Variants in CEP350 observed in about 807,000 individuals in gnomAD.
CEP350 encodes the protein centrosome-associated protein 350.
A neutral mutation model predicts 331.8 loss-of-function variants in CEP350; 126 were observed. The ratio of observed to expected loss-of-function variants is 0.38; its 90% CI spans 0.33 to 0.44. CEP350 has a LOEUF of 0.44. Ranked by LOEUF, CEP350 falls within the 20% of genes least tolerant of loss-of-function variation. CEP350 has a pLI of 1.00. For synonymous variants in CEP350, 1,200 were observed against 1,259.5 expected, an observed-to-expected ratio of 0.95 and a Z score of 1.00; for missense variants, 3,406 against 3,634.6, an observed-to-expected ratio of 0.94 and a Z score of 1.62.
rs1343405944 is a variant in CEP350 at position 180,114,733 on chromosome 1, C to A, written c.*3572C>A. 2.0e-5 allele frequency: 3 copies of A among 152,508 alleles called. No individual in the cohort carries two copies. Among genetic ancestry groups the A allele is most frequent in the African/African-American group, 7.2e-5 (3 of 41,402 alleles). The allele number at this position is 152,508 out of a possible 1,614,324, so 9.4% of individuals were successfully genotyped here. A position where few individuals can be genotyped will look rare whatever the true frequency, so the allele number is the denominator to read the frequency against. ...AGTCACATCCAGTGCAATTTTGCAC[C>A]GAACACTTAAGGGTGTGGTTTGTAA... On this transcript the variant is annotated 3_prime_UTR_variant, in exon 38 of 38. Coordinates refer to ENST00000367607, the MANE Select transcript of CEP350 (RefSeq NM_014810.5).
chr1:179,969,212 C>A, intron 1 of CEP350: 1 of 542,394 alleles, frequency 1.8e-6, no homozygotes, highest in East Asian at 4.2e-5. Flanking sequence ...CTGTGAACAC[C>A]CGTGGGAAGT....
At chr1:180,042,413 G>A (rs994870468) in intron 19 of CEP350, among the ~76,000 whole-genome samples, 1 of 152,088 alleles carries the variant, frequency 6.6e-6, no homozygotes, top group African/African-American at 2.4e-5. Context: ...CTTTATTTTA[G>A]CAGTTATAAT....
chr1:179,956,650 A>G (rs903104308), intron 1 of CEP350, among the ~76,000 whole-genome samples: 6 of 152,322 alleles, frequency 3.9e-5, no homozygotes, highest in African/African-American at 1.4e-4. Context: ...GCTATAATCA[A>G]TTTTATTTGT....
At position 180,006,335 on chromosome 1, in the gene CEP350, G is replaced by A. The variant is rs551908607; in HGVS notation, c.1133-119G>A. 1.6e-4 allele frequency: 100 copies of A among 626,614 alleles called. 1 individual carries two copies. The South Asian group carries it at 1.8e-3, about 11-fold the overall frequency. The allele number at this position is 626,614 out of a possible 1,614,324, so 38.8% of individuals were successfully genotyped here. A position where few individuals can be genotyped will look rare whatever the true frequency, so the allele number is the denominator to read the frequency against. On this transcript the variant is annotated intron_variant, in intron 7 of 37. Coordinates refer to ENST00000367607, the MANE Select transcript of CEP350 (RefSeq NM_014810.5). ...TGTGGGCCATAGAAGTAGCCTCAGT[G>A]TAGGTTTCTTTCTCCCTACCTGCAG...
At chr1:179,994,671 C>T (rs1653346721) in intron 5 of CEP350, among the ~76,000 whole-genome samples, 1 of 151,938 alleles carries the variant, frequency 6.6e-6, no homozygotes, top group African/African-American at 2.4e-5. Flanking sequence ...CCAGGCTGGT[C>T]TCATACTCCT....
chr1:180,053,014 T>C lies in CEP350; in HGVS notation c.4837T>C (p.Ser1613Pro), dbSNP rs1189166695. 2 of 1,490,298 alleles carry C rather than the reference T, an allele frequency of 1.3e-6. No individual in the cohort carries two copies. The highest frequency in any genetic ancestry group is 2.3e-5 in the South Asian group (2 of 86,800). 92.3% of individuals were successfully genotyped at this position (1,490,298 alleles called of 1,614,324 possible). ...AGAATATTCTCTGAAATTTGATGAA[T>C]CCATGACAGAAGATGAAATAGAAGA... The part of the protein sequence containing the change: ...ATEYSLKFDE[S>P]MTEDEIEEQS... The change falls in exon 23 of 38, where the codon TCC (serine) becomes CCC (proline). Residue 1613 changes from serine (S) to proline (P), a missense_variant. Transcript: ENST00000367607.
At chr1:180,032,834 G>A (rs1558115008) in intron 15 of CEP350, among the ~76,000 whole-genome samples, 1 of 151,916 alleles carries the variant, frequency 6.6e-6, no homozygotes, top group Non-Finnish European at 1.5e-5. Context: ...CTTTGATGTT[G>A]TGTTTTAATT....
intron 1 of CEP350, among the ~76,000 whole-genome samples, chr1:179,957,643 C>G (rs1650265525): frequency 6.6e-6 from 1 of 152,138 alleles, no homozygotes; most frequent in Non-Finnish European, 1.5e-5. Context: ...AAACAAAAGA[C>G]TAGTTCTTAG....
intron 1 of CEP350, among the ~76,000 whole-genome samples, chr1:179,962,499 TC>T (rs1650710029): frequency 6.6e-6 from 1 of 152,252 alleles, no homozygotes; most frequent in Admixed American, 6.5e-5. Flanking sequence ...AACTTCCGCC[TC>T]CCGGGTCCAA....
At chr1:179,988,321 A>G (rs1652796835) in intron 3 of CEP350, among the ~76,000 whole-genome samples, 1 of 151,988 alleles carries the variant, frequency 6.6e-6, no homozygotes, top group South Asian at 2.1e-4. Context: ...AAAATTTAAA[A>G]CAGAGGATGA....
chr1:179,960,821 C>T (rs937966444), intron 1 of CEP350, among the ~76,000 whole-genome samples: 2 of 151,918 alleles, frequency 1.3e-5, no homozygotes, highest in African/African-American at 4.8e-5. Context: ...ATTTTTCGAT[C>T]TGCTACTAAG....
At chr1:180,072,473 A>C (rs1195319316) in intron 27 of CEP350, among the ~76,000 whole-genome samples, 1 of 152,200 alleles carries the variant, frequency 6.6e-6, no homozygotes, top group Non-Finnish European at 1.5e-5. Flanking sequence ...CCTTTTGCCA[A>C]GTGCCTTTGT....
Position 180,111,025 on chromosome 1 carries a change from A to T in CEP350, c.9218A>T (p.Gln3073Leu), listed in dbSNP as rs752108015. The T allele has an allele frequency of 1.5e-5, 25 of 1,613,990 alleles. No homozygotes were observed. The highest frequency in any genetic ancestry group is 3.3e-4 in the Middle Eastern group (2 of 6,060). ...CAGGAGCTCCATGAGGAGGAGGCACAGTGGGTGAACTATGATGAGGATGAG... is the reference window on the plus strand; with the variant it reads ...CAGGAGCTCCATGAGGAGGAGGCACTGTGGGTGAACTATGATGAGGATGAG... ...LVQELHEEEA[Q>L]WVNYDEDELC... Residue 3073 changes from glutamine to leucine, a missense_variant, in exon 38 of 38, where the codon CAG becomes CTG. Physicochemically the swap from Gln to Leu is moderately radical, Grantham distance 113. This residue lies in a region of CEP350 where 1,415 missense variants were observed against 1,512.3 expected (regional missense o/e 0.94). Coordinates refer to ENST00000367607, the MANE Select transcript of CEP350 (RefSeq NM_014810.5).
Position 180,087,573 on chromosome 1 carries a change from C to T in CEP350, c.6286-5C>T, listed in dbSNP as rs558259877. On this transcript the variant is annotated splice_polypyrimidine_tract_variant and splice_region_variant and intron_variant, in intron 31 of 37. Transcript: ENST00000367607. ...TAGTGACTCCTCTGGTTTTTCTAAA[C>T]TTAGTCATATGATGAATTTATTAAG... The T allele has an allele frequency of 1.3e-4, 193 of 1,537,138 alleles. 3 individuals carry two copies. In the South Asian group the frequency reaches 2.2e-3, roughly 18 times the overall value.
rs750509551 is a variant in CEP350 at position 180,020,710 on chromosome 1, T to C, written c.2936T>C (p.Ile979Thr). Residue 979 changes from isoleucine (I) to threonine (T), a missense_variant, in exon 12 of 38, where the codon ATA becomes ACA. This residue lies in a region of CEP350 where 1,857 missense variants were observed against 1,909.2 expected (regional missense o/e 0.97). Coordinates refer to ENST00000367607, the MANE Select transcript of CEP350 (RefSeq NM_014810.5). Reference protein sequence around the residue: ...DKAKISLGSSIDSVSEGPLLS... With the variant: ...DKAKISLGSSTDSVSEGPLLS... ...GCCAAAATATCTCTTGGTTCCAGCA[T>C]AGATTCAGTCAGTGAAGGGCCTCTT... is the stretch of plus-strand genomic sequence containing the variant. The C allele has an allele frequency of 2.5e-6, 4 of 1,614,030 alleles. No individual in the cohort carries two copies. Among genetic ancestry groups the C allele is most frequent in the Non-Finnish European group, 3.4e-6 (4 of 1,179,886 alleles).
intron 35 of CEP350, 40 bp from the exon 36 acceptor site, chr1:180,095,998 A>T: frequency 6.5e-7 from 1 of 1,548,674 alleles, no homozygotes; most frequent in Non-Finnish European, 8.7e-7. Context: ...TTGGATTCTT[A>T]GCCATTTTGT....
intron 1 of CEP350, among the ~76,000 whole-genome samples, chr1:179,964,120 G>T (rs1047851768): frequency 6.6e-6 from 1 of 152,074 alleles, no homozygotes; most frequent in African/African-American, 2.4e-5. Context: ...TTCTCAGCTT[G>T]AACATTATTG....
chr1:180,022,551 G>C (rs1269248375), intron 12 of CEP350, 147 bp from the exon 13 acceptor site: 9 of 611,042 alleles, frequency 1.5e-5, no homozygotes, highest in Non-Finnish European at 2.5e-5. Context: ...AAGTATCATT[G>C]GATATAAAGG....
intron 17 of CEP350, among the ~76,000 whole-genome samples, chr1:180,040,525 T>C (rs950612670): frequency 1.2e-4 from 18 of 151,942 alleles, no homozygotes; most frequent in African/African-American, 3.9e-4. Flanking sequence ...TGGCCTCAAG[T>C]GATCCTCCCA....
Sources: gnomAD v4.1 joint callset for allele counts (sites outside exome capture counted in the v4.1 genomes callset) on GRCh38, gnomAD v4.1.1 for gene constraint, gnomAD v4.1.1 regional missense constraint, MANE v1.5 for transcripts, NCBI Gene and HGNC (gene_info 2026-07-23, HGNC 2026-07-21) for gene names.